Variants in DLG5 observed in about 807,000 individuals in gnomAD.
The protein encoded by DLG5 is discs large MAGUK scaffold protein 5, also known as disks large homolog 5.
DLG5 carries 48 observed loss-of-function variants against 189.8 expected under a neutral mutation model. The observed-to-expected ratio is 0.25, with a 90% CI of 0.20 to 0.32. The LOEUF (loss-of-function observed/expected upper bound fraction) is 0.32, where lower values mean the gene tolerates loss of function less well. Among genes scored for constraint, DLG5 ranks in the 10% least tolerant of loss-of-function variants. The pLI, the probability that DLG5 is intolerant of heterozygous loss-of-function variation, is 1.00. For missense variants in DLG5, 2,160 were observed against 2,544.7 expected (o/e 0.85, Z 3.25); for synonymous variants, 1,016 against 1,054.1 (o/e 0.96, Z 0.70).
At chr10:77,876,122 T>C (rs1438633978) in intron 1 of DLG5, among the ~76,000 whole-genome samples, 1 of 151,888 alleles carries the variant, frequency 6.6e-6, no homozygotes, top group African/African-American at 2.4e-5. Flanking sequence ...ACTGAGATAA[T>C]GCTATAGTAT....
At position 77,821,297 on chromosome 10, in the gene DLG5, C is replaced by T. The variant is rs368687321; in HGVS notation, c.3187G>A (p.Ala1063Thr). 62 of 1,613,574 alleles carry T rather than the reference C, an allele frequency of 3.8e-5. No homozygotes were observed. The African/African-American group carries it at 3.9e-4, about 10-fold the overall frequency. The change falls in exon 15 of 32, where the codon GCA becomes ACA. Residue 1063 changes from alanine (A) to threonine (T), a missense_variant. Coordinates refer to ENST00000372391, the MANE Select transcript of DLG5 (RefSeq NM_004747.4). ...ACCCTGGCCTTGCGAGGGGGTGATG[C>T]GTGCATGGGCTCCCCGGGGTCCACG... ...PDVDPGEPMH[A>T]SPPRKARVRI...
intron 1 of DLG5, among the ~76,000 whole-genome samples, chr10:77,914,802 G>A (rs1380915720): frequency 6.6e-6 from 1 of 152,132 alleles, no homozygotes. Flanking sequence ...CACCAGGATG[G>A]CTCTCCACAA....
intron 10 of DLG5, 113 bp downstream of exon 10, chr10:77,830,627 GA>G: frequency 6.7e-7 from 1 of 1,499,384 alleles, no homozygotes. Flanking sequence ...CTCCTGGGAG[GA>G]AAAGGAGAAC....
intron 23 of DLG5, among the ~76,000 whole-genome samples, chr10:77,810,491 T>C (rs969340984): frequency 6.6e-5 from 10 of 152,346 alleles, no homozygotes; most frequent in African/African-American, 1.9e-4. Flanking sequence ...TGGCCCTCCC[T>C]GCAGCCCCAG....
intron 19 of DLG5, 148 bp downstream of exon 19, chr10:77,816,859 C>A (rs566373786): frequency 6.7e-6 from 9 of 1,337,818 alleles, no homozygotes; most frequent in Middle Eastern, 2.2e-4. Context: ...CCCTACCCCC[C>A]ACACCACCAG....
intron 2 of DLG5, among the ~76,000 whole-genome samples, chr10:77,858,456 G>A (rs1008976744): frequency 6.6e-6 from 1 of 152,032 alleles, no homozygotes; most frequent in South Asian, 2.1e-4. Context: ...GCAACATGGC[G>A]AAACCCCGTC....
chr10:77,908,870 G>A (rs781621139), intron 1 of DLG5, among the ~76,000 whole-genome samples: 4 of 152,154 alleles, frequency 2.6e-5, no homozygotes, highest in Non-Finnish European at 5.9e-5. Context: ...CACTTGCCAT[G>A]TGCTATAAAG....
chr10:77,919,488 T>C (rs1317747287), intron 1 of DLG5, among the ~76,000 whole-genome samples: 1 of 150,290 alleles, frequency 6.7e-6, no homozygotes, highest in Non-Finnish European at 1.5e-5. Flanking sequence ...GTTTTGACTG[T>C]TGAACTGGGG....
At chr10:77,923,153 C>G (rs1846585123) in intron 1 of DLG5, among the ~76,000 whole-genome samples, 1 of 152,200 alleles carries the variant, frequency 6.6e-6, no homozygotes, top group African/African-American at 2.4e-5. Flanking sequence ...AAGCAGCCAC[C>G]CCTTGACGCT....
Position 77,817,862 on chromosome 10 carries a change from C to T in DLG5, c.3699G>A (p.Leu1233=). ...CGCTGCAGGTCCTGTGGCTCAGGTC[C>T]AGGCTCAGGCGTCCCTGGTGCTGGA... ...PSVQHQGRLS[L]DLSHRTCSDY... Residue 1233 remains leucine, a synonymous_variant, in exon 18 of 32, where the codon CTG becomes CTA. Transcript: ENST00000372391. The T allele has an allele frequency of 6.4e-7, 1 of 1,552,652 alleles. No homozygotes were observed. The highest frequency in any genetic ancestry group is 1.2e-5 in the South Asian group (1 of 84,088).
At chr10:77,908,681 CCCT>C (rs1846135558) in intron 1 of DLG5, among the ~76,000 whole-genome samples, 1 of 152,170 alleles carries the variant, frequency 6.6e-6, no homozygotes, top group Admixed American at 6.5e-5. Flanking sequence ...TCACCATACA[CCCT>C]CCTTCCTTAG....
intron 27 of DLG5, among the ~76,000 whole-genome samples, chr10:77,798,756 G>A (rs539254475): frequency 5.3e-5 from 8 of 152,158 alleles, no homozygotes; most frequent in South Asian, 2.1e-4. Flanking sequence ...TGGACACTAC[G>A]TCACCATTCC....
At chr10:77,813,696 T>C (rs1386508188) in intron 20 of DLG5, among the ~76,000 whole-genome samples, 1 of 152,098 alleles carries the variant, frequency 6.6e-6, no homozygotes, top group Non-Finnish European at 1.5e-5. Flanking sequence ...TCCACCTCCG[T>C]ACAACACGTG....
chr10:77,898,553 G>C (rs1004433469), intron 1 of DLG5, among the ~76,000 whole-genome samples: 2 of 152,094 alleles, frequency 1.3e-5, no homozygotes, highest in African/African-American at 4.8e-5. Context: ...GAAAAGGCCT[G>C]CCTCCTCCTG....
intron 6 of DLG5, 38 bp from the exon 7 acceptor site, chr10:77,842,231 G>C (rs1437207324): frequency 6.3e-7 from 1 of 1,578,620 alleles, no homozygotes; most frequent in Non-Finnish European, 8.6e-7. Context: ...AAGGGCGGGG[G>C]CCCTGCCCGG....
Position 77,809,615 on chromosome 10 carries a change from C to A in DLG5, c.4579G>T (p.Ala1527Ser), listed in dbSNP as rs758999985. The A allele has an allele frequency of 3.1e-6, 5 of 1,614,200 alleles. No individual in the cohort carries two copies. The highest frequency in any genetic ancestry group is 4.2e-6 in the Non-Finnish European group (5 of 1,180,024). ...GCAGGACTGTCATCCTCCACCTCGG[C>A]CACAAACACCCCATGCAGGTTCCCA... ...CGGNLHGVFVAEVEDDSPAKG... is the reference protein window; with the variant it reads ...CGGNLHGVFVSEVEDDSPAKG... The change falls in exon 24 of 32, where the codon GCC becomes TCC. Residue 1527 changes from alanine (A) to serine (S), a missense_variant. Physicochemically the swap from Ala to Ser is moderately conservative, Grantham distance 99. Coordinates refer to ENST00000372391, the MANE Select transcript of DLG5 (RefSeq NM_004747.4).
chr10:77,830,824 T>C lies in DLG5; in HGVS notation c.1798A>G (p.Met600Val), dbSNP rs543304082. The C allele has an allele frequency of 6.2e-7, 1 of 1,614,206 alleles. No individual in the cohort carries two copies. The highest frequency in any genetic ancestry group is 1.7e-5 in the Admixed American group (1 of 60,016). Reference sequence around the variant, plus strand: ...GCCGAGTCGTGGGAGCTGTGGGCCATCAGCTGTCGGAACCGGGCCTCCTTT... The same window carrying C: ...GCCGAGTCGTGGGAGCTGTGGGCCACCAGCTGTCGGAACCGGGCCTCCTTT... ...LEKEARFRQL[M>V]AHSSHDSAID... Residue 600 changes from methionine to valine, a missense_variant, in exon 10 of 32, where the codon ATG becomes GTG. This residue lies in a region of DLG5 where 664 missense variants were observed against 838.5 expected (regional missense o/e 0.79). Coordinates refer to ENST00000372391, the MANE Select transcript of DLG5 (RefSeq NM_004747.4).
At chr10:77,863,304 G>A (rs2154576920) in intron 2 of DLG5, among the ~76,000 whole-genome samples, 1 of 152,140 alleles carries the variant, frequency 6.6e-6, no homozygotes, top group South Asian at 2.1e-4. Context: ...CCACTATGTT[G>A]CCCAGGCTAG....
At chr10:77,793,114 A>T (rs181170047) in intron 31 of DLG5, 1 of 152,594 alleles carries the variant, frequency 6.6e-6, no homozygotes, top group East Asian at 1.9e-4. Flanking sequence ...TGGAAACAGG[A>T]CGTCGTAATT....
Sources: gnomAD v4.1 joint callset for allele counts (sites outside exome capture counted in the v4.1 genomes callset) on GRCh38, gnomAD v4.1.1 for gene constraint, gnomAD v4.1.1 regional missense constraint, MANE v1.5 for transcripts, NCBI Gene and HGNC (gene_info 2026-07-23, HGNC 2026-07-21) for gene names.